UNC13C: variants seen among roughly 807,000 people sequenced by gnomAD.
The protein encoded by UNC13C is unc-13 homolog C, also known as protein unc-13 homolog C.
A neutral mutation model predicts 245.4 loss-of-function variants in UNC13C; 174 were observed. The observed-to-expected ratio is 0.71, with a 90% CI of 0.63 to 0.80. The LOEUF (loss-of-function observed/expected upper bound fraction) is 0.80, where lower values mean the gene tolerates loss of function less well. UNC13C is among the 30% of genes least tolerant of loss of function. UNC13C has a pLI of 0.00. For missense variants in UNC13C, 2,829 were observed against 2,602.9 expected (o/e 1.09, Z -1.89); for synonymous variants, 992 against 895.1 (o/e 1.11, Z -1.93).
At chr15:54,614,204 T>A (rs912645396) in intron 30 of UNC13C, among the ~76,000 whole-genome samples, 6 of 152,006 alleles carry the variant, frequency 3.9e-5, no homozygotes, top group African/African-American at 1.4e-4. Flanking sequence ...GTGTTAATAT[T>A]TTTCTCTCAT....
At position 54,085,097 on chromosome 15, in the gene UNC13C, G is replaced by A. The variant is rs141216026; in HGVS notation, c.2984-57921G>A. Among the ~76,000 whole-genome samples, 20 of 152,172 alleles carry A rather than the reference G, an allele frequency of 1.3e-4. No homozygotes were observed. In the East Asian group the frequency reaches 3.5e-3, roughly 26 times the overall value. On this transcript the variant is annotated intron_variant, in intron 2 of 32. Transcript: ENST00000260323. The stretch of plus-strand genomic sequence containing the variant: ...ATTATGACTTCTGCTAACAGTATTG[G>A]TAGAAGAGTAATTTGGAATAACCCT...
chr15:53,918,215 G>C, the UNC13C span, among the ~76,000 whole-genome samples: 1 of 152,198 alleles, frequency 6.6e-6, no homozygotes, highest in African/African-American at 2.4e-5. Flanking sequence ...AGAAGCAACA[G>C]GGACGCAAAT....
chr15:54,285,259 T>G (rs1425911560), intron 10 of UNC13C, among the ~76,000 whole-genome samples: 2 of 152,192 alleles, frequency 1.3e-5, no homozygotes, highest in Non-Finnish European at 2.9e-5. Context: ...AGGACTCTTT[T>G]TTTTTTTAAA....
At chr15:53,913,522 A>T in the UNC13C span, 1 of 152,396 alleles carries the variant, frequency 6.6e-6, no homozygotes, top group East Asian at 1.9e-4. Context: ...TCAGGCTCAT[A>T]AGAGCATGGC....
intron 10 of UNC13C, among the ~76,000 whole-genome samples, chr15:54,265,997 T>C (rs1461071238): frequency 6.6e-6 from 1 of 152,040 alleles, no homozygotes; most frequent in Non-Finnish European, 1.5e-5. Flanking sequence ...TTTAAACCTC[T>C]TACATCTTTT....
chr15:53,933,318 C>T, the UNC13C span, among the ~76,000 whole-genome samples: 1 of 151,934 alleles, frequency 6.6e-6, no homozygotes, highest in Admixed American at 6.6e-5. Context: ...ATATAATGTA[C>T]CTCTTCAATA....
intron 17 of UNC13C, among the ~76,000 whole-genome samples, chr15:54,390,589 A>G (rs762320090): frequency 9.9e-5 from 15 of 152,174 alleles, no homozygotes; most frequent in Non-Finnish European, 1.8e-4. Flanking sequence ...TTTATTTGCT[A>G]TTAAATGATT....
At chr15:54,424,724 G>GA (rs796742157) in intron 19 of UNC13C, among the ~76,000 whole-genome samples, 10 of 151,812 alleles carry the variant, frequency 6.6e-5, no homozygotes, top group African/African-American at 1.9e-4. Context: ...TTAGGGGCAA[G>GA]AAAATGGCAT....
At chr15:54,011,349 A>T (rs1251348547) in intron 1 of UNC13C, among the ~76,000 whole-genome samples, 1 of 152,226 alleles carries the variant, frequency 6.6e-6, no homozygotes, top group Non-Finnish European at 1.5e-5. Flanking sequence ...TAGATTTGAA[A>T]ACATCAGAGG....
At chr15:54,453,314 T>G (rs1041875226) in intron 19 of UNC13C, among the ~76,000 whole-genome samples, 5 of 152,126 alleles carry the variant, frequency 3.3e-5, no homozygotes, top group African/African-American at 1.2e-4. Context: ...CTACCTTGCT[T>G]CTCTGTCCTT....
chr15:53,968,462 G>A, the UNC13C span, among the ~76,000 whole-genome samples: 1 of 152,208 alleles, frequency 6.6e-6, no homozygotes, highest in African/African-American at 2.4e-5. Flanking sequence ...CAGAGAAGAT[G>A]GTGGAGTTAA....
At chr15:53,887,198 A>T in the UNC13C span, among the ~76,000 whole-genome samples, 1 of 152,148 alleles carries the variant, frequency 6.6e-6, no homozygotes, top group Non-Finnish European at 1.5e-5. Flanking sequence ...AGGGTTATGG[A>T]AACTGTCTGT....
At chr15:54,411,100 G>A (rs1399248048) in intron 18 of UNC13C, among the ~76,000 whole-genome samples, 1 of 152,032 alleles carries the variant, frequency 6.6e-6, no homozygotes, top group Non-Finnish European at 1.5e-5. Flanking sequence ...GACTAATAAT[G>A]TTGAGCCTAT....
intron 2 of UNC13C, among the ~76,000 whole-genome samples, chr15:54,098,845 A>G (rs942020867): frequency 1.3e-5 from 2 of 152,196 alleles, no homozygotes; most frequent in African/African-American, 4.8e-5. Flanking sequence ...ATCAAATGTC[A>G]GCGAATCTCT....
chr15:54,632,380 G>A (rs530325446), downstream of UNC13C: 34 of 152,146 alleles, frequency 2.2e-4, no homozygotes, highest in Middle Eastern at 3.4e-3. Flanking sequence ...ATAGATCATA[G>A]CTTTGCTACC....
At position 53,989,412 on chromosome 15, in the gene UNC13C, A is replaced by C. The variant is rs191746830; in HGVS notation, c.-257+10485A>C. On this transcript the variant is annotated intron_variant, in intron 1 of 32. Transcript: ENST00000260323. ...GTAGGAAATTCGTGGATTTAAAAAA[A>C]AAAAGAAAAAATATTAATCCAAACA... is the stretch of plus-strand genomic sequence containing the variant. Among the ~76,000 whole-genome samples, 510 of 152,130 alleles carry C rather than the reference A, an allele frequency of 3.4e-3. 4 individuals carry two copies. The highest frequency in any genetic ancestry group is 0.01 in the Middle Eastern group (3 of 294).
chr15:54,065,796 C>T (rs553014358), intron 2 of UNC13C, among the ~76,000 whole-genome samples: 5 of 152,298 alleles, frequency 3.3e-5, no homozygotes, highest in Admixed American at 3.3e-4. Context: ...TTTTGTGCAT[C>T]TTGGAAGAGG....
At chr15:54,413,621 T>G (rs1858351) in intron 18 of UNC13C, among the ~76,000 whole-genome samples, 6,436 of 152,268 alleles carry the variant, frequency 0.042, 248 homozygotes, top group Admixed American at 0.12. Flanking sequence ...GATTTAAGTT[T>G]TAAAATCGAA....
the UNC13C span, among the ~76,000 whole-genome samples, chr15:53,936,908 A>G: frequency 6.6e-6 from 1 of 152,220 alleles, no homozygotes; most frequent in Non-Finnish European, 1.5e-5. Flanking sequence ...AAGGTGGATA[A>G]GCCCACAAAG....
Sources: gnomAD v4.1 joint callset for allele counts (sites outside exome capture counted in the v4.1 genomes callset) on GRCh38, gnomAD v4.1.1 for gene constraint, MANE v1.5 for transcripts, NCBI Gene and HGNC (gene_info 2026-07-23, HGNC 2026-07-21) for gene names.